Variants in PLA2G5 observed in about 807,000 individuals in gnomAD.
PLA2G5 encodes Ca2+-dependent phospholipase A2.
Under a neutral mutation model 15.9 loss-of-function variants are expected in PLA2G5, and 12 were observed. The observed-to-expected ratio is 0.76, with a 90% CI of 0.48 to 1.23. The LOEUF is 1.23. PLA2G5 is among the 50% of genes most tolerant of loss of function. The pLI, the probability that PLA2G5 is intolerant of heterozygous loss-of-function variation, is 0.00. For missense variants in PLA2G5, 169 were observed against 177.1 expected (o/e 0.95, Z 0.26); for synonymous variants, 71 against 71.4 (o/e 0.99, Z 0.03).
intron 2 of PLA2G5, among the ~76,000 whole-genome samples, chr1:20,062,696 CCTT>C (rs34855157): frequency 0.012 from 1,878 of 152,232 alleles, 33 homozygotes; most frequent in African/African-American, 0.043. Context: ...ACACTGCTGT[CCTT>C]CTTTTTCCCC....
intron 1 of PLA2G5, among the ~76,000 whole-genome samples, chr1:20,041,944 G>A (rs1189098990): frequency 6.6e-6 from 1 of 152,186 alleles, no homozygotes; most frequent in African/African-American, 2.4e-5. Flanking sequence ...GGCCCTTGCA[G>A]TGAATGACTC....
rs532418704 is a variant in PLA2G5, at chr1:20,090,609, C to T, written c.334C>T (p.Arg112Trp). The T allele has an allele frequency of 1.7e-5, 28 of 1,614,058 alleles. No individual in the cohort carries two copies. In the South Asian group the frequency reaches 2.3e-4, roughly 13 times the overall value. ...CCATGTGAACCTCTGTGCCTGTGAC[C>T]GGAAGCTCGTCTACTGCCTCAAGAG... ...FCHVNLCACDRKLVYCLKRNL... is the reference protein window; with the variant it reads ...FCHVNLCACDWKLVYCLKRNL... The change falls in exon 5 of 5, where the codon CGG becomes TGG. Residue 112 changes from arginine to tryptophan, a missense_variant. Transcript: ENST00000375108.
At chr1:20,054,732 A>T (rs1385985526) in intron 1 of PLA2G5, 5 of 152,032 alleles carry the variant, frequency 3.3e-5, no homozygotes, top group Non-Finnish European at 7.4e-5. Context: ...CTGCTGTTTC[A>T]CAATTACACA....
intron 1 of PLA2G5, among the ~76,000 whole-genome samples, chr1:20,058,732 T>C (rs2014560208): frequency 6.6e-6 from 1 of 152,216 alleles, no homozygotes; most frequent in African/African-American, 2.4e-5. Flanking sequence ...CAGCAGCAGC[T>C]TCTCGATTTG....
chr1:20,040,577 TACACAC>T (rs60942082), intron 1 of PLA2G5, among the ~76,000 whole-genome samples: 45,541 of 150,370 alleles, frequency 0.3, 6,927 homozygotes, highest in Admixed American at 0.36. Context: ...AGCTGACAAA[TACACAC>T]ACACACACAC....
intron 1 of PLA2G5, 79 bp from the exon 2 acceptor site, chr1:20,084,742 G>A: frequency 1.1e-6 from 1 of 911,938 alleles, no homozygotes; most frequent in Non-Finnish European, 1.9e-6. Context: ...GGGGCCTGGT[G>A]GAGAGCCAGG....
chr1:20,051,588 G>A (rs1386783321), intron 1 of PLA2G5, among the ~76,000 whole-genome samples: 1 of 152,186 alleles, frequency 6.6e-6, no homozygotes, highest in African/African-American at 2.4e-5. Flanking sequence ...GAAACTATTT[G>A]TGGGTATTCA....
intron 1 of PLA2G5, among the ~76,000 whole-genome samples, chr1:20,072,067 C>T (rs576079945): frequency 4.8e-5 from 7 of 145,870 alleles, no homozygotes; most frequent in East Asian, 2.1e-4. Context: ...GAGATCGCAC[C>T]GCTGCGCTCC....
intron 2 of PLA2G5, among the ~76,000 whole-genome samples, chr1:20,062,416 A>G (rs1182249022): frequency 6.6e-6 from 1 of 152,214 alleles, no homozygotes; most frequent in Non-Finnish European, 1.5e-5. Context: ...ACAGAAGATG[A>G]GCAGGGACAT....
At chr1:20,029,137 G>T (rs1465632168) in intron 1 of PLA2G5, among the ~76,000 whole-genome samples, 1 of 152,162 alleles carries the variant, frequency 6.6e-6, no homozygotes, top group Non-Finnish European at 1.5e-5. Flanking sequence ...ATGAATGCAA[G>T]GTTTTACTGA....
intron 1 of PLA2G5, among the ~76,000 whole-genome samples, chr1:20,032,759 G>A (rs2013030527): frequency 6.6e-6 from 1 of 152,216 alleles, no homozygotes; most frequent in South Asian, 2.1e-4. Flanking sequence ...CAGCCTGGAT[G>A]AGTGAGGTTT....
At chr1:20,060,795 C>T (rs1286009671) in intron 2 of PLA2G5, among the ~76,000 whole-genome samples, 5 of 148,904 alleles carry the variant, frequency 3.4e-5, no homozygotes, top group Admixed American at 3.3e-4. Flanking sequence ...AGTGCAATGG[C>T]GCACCTCTGC....
intron 1 of PLA2G5, among the ~76,000 whole-genome samples, chr1:20,051,487 G>A (rs935241446): frequency 1.3e-5 from 2 of 152,114 alleles, no homozygotes; most frequent in Non-Finnish European, 2.9e-5. Context: ...TTTCTTTTGA[G>A]CTATTAACAG....
In PLA2G5 at chr1:20,088,128, C is replaced by G. The variant is rs188938307; in HGVS notation, c.186-1661C>G. On this transcript the variant is annotated intron_variant, in intron 3 of 4. Coordinates refer to ENST00000375108, the MANE Select transcript of PLA2G5 (RefSeq NM_000929.3). ...ATCCCAGCACTTTGGGAGGCCAAGA[C>G]AGGTGGATGACCTGAGGTCGGGAGT... 1.1e-4 allele frequency among the ~76,000 whole-genome samples: 17 copies of G among 150,434 alleles called. No homozygotes were observed. The East Asian group carries it at 3.3e-3, about 29-fold the overall frequency.
chr1:20,066,900 G>A (rs982399796), upstream of PLA2G5, among the ~76,000 whole-genome samples: 18 of 152,154 alleles, frequency 1.2e-4, no homozygotes, highest in African/African-American at 4.3e-4. Context: ...GAGCTACTTG[G>A]GAGGCTTGGG....
chr1:20,077,635 GCCGTTCTGCCT>G (rs2015762459), intron 1 of PLA2G5, among the ~76,000 whole-genome samples: 1 of 152,172 alleles, frequency 6.6e-6, no homozygotes, highest in Non-Finnish European at 1.5e-5. Context: ...ACTGTCCCGG[GCCGTTCTGCCT>G]GACTTATCTC....
chr1:20,067,412 G>C (rs1368561570), upstream of PLA2G5, among the ~76,000 whole-genome samples: 1 of 152,226 alleles, frequency 6.6e-6, no homozygotes, highest in Non-Finnish European at 1.5e-5. Flanking sequence ...ATTAGGCCAG[G>C]TTTGGTGGCT....
chr1:20,075,849 G>A (rs2015634212), intron 1 of PLA2G5, among the ~76,000 whole-genome samples: 1 of 150,692 alleles, frequency 6.6e-6, no homozygotes, highest in South Asian at 2.1e-4. Context: ...TGGAAATGTG[G>A]AAATGTGGAT....
At chr1:20,077,952 T>C (rs2015777305) in intron 1 of PLA2G5, among the ~76,000 whole-genome samples, 1 of 152,070 alleles carries the variant, frequency 6.6e-6, no homozygotes, top group Non-Finnish European at 1.5e-5. Context: ...AAGAGCTAAA[T>C]CCCTGAACTC....
Sources: gnomAD v4.1 joint callset for allele counts (sites outside exome capture counted in the v4.1 genomes callset) on GRCh38, gnomAD v4.1.1 for gene constraint, MANE v1.5 for transcripts, NCBI Gene and HGNC (gene_info 2026-07-23, HGNC 2026-07-21) for gene names.